CFAP206: variants seen among roughly 807,000 people sequenced by gnomAD.
CFAP206 encodes cilia and flagella associated protein 206, also known as cilia- and flagella-associated protein 206.
A neutral mutation model predicts 65.4 loss-of-function variants in CFAP206; 53 were observed. The ratio of observed to expected loss-of-function variants is 0.81; its 90% CI spans 0.65 to 1.02. CFAP206 has a LOEUF of 1.02. Ranked by LOEUF, CFAP206 falls within the 50% of genes least tolerant of loss-of-function variation. CFAP206 has a pLI of 0.00. For missense variants in CFAP206, 663 were observed against 753.2 expected (o/e 0.88, Z 1.40); for synonymous variants, 250 against 254.4 (o/e 0.98, Z 0.17).
At chr6:87,410,099 A>G (rs1767706892) in intron 2 of CFAP206, 152 bp downstream of exon 2, 1 of 605,112 alleles carries the variant, frequency 1.7e-6, no homozygotes, top group Non-Finnish European at 2.8e-6. Context: ...AAACATTTTT[A>G]AAAAGTTTAT....
intron 3 of CFAP206, among the ~76,000 whole-genome samples, chr6:87,412,612 GA>G (rs1767754086): frequency 6.6e-6 from 1 of 152,156 alleles, no homozygotes; most frequent in Non-Finnish European, 1.5e-5. Flanking sequence ...TTTGTGAAGA[GA>G]GGGGGGTGGT....
rs1441430714 is a variant in CFAP206 at position 87,426,561 on chromosome 6, G to A, written c.876G>A (p.Met292Ile). Residue 292 changes from methionine to isoleucine, a missense_variant, in exon 8 of 13, where the codon ATG (methionine) becomes ATA (isoleucine). Transcript: ENST00000369562. ...TTACTGGTGCTCAAGAAGTGGAAAT[G>A]ATGACAAAACAGTTAGGAGCCCATC... is the stretch of plus-strand genomic sequence containing the variant. ...DIITGAQEVE[M>I]MTKQLGAHLE... is the part of the protein sequence containing the mutation. The A allele has an allele frequency of 5.0e-6, 8 of 1,597,736 alleles. No individual in the cohort carries two copies. Among genetic ancestry groups the A allele is most frequent in the Non-Finnish European group, 6.8e-6 (8 of 1,171,744 alleles).
At chr6:87,421,444 C>T (rs1055007580) in intron 7 of CFAP206, among the ~76,000 whole-genome samples, 1 of 152,086 alleles carries the variant, frequency 6.6e-6, no homozygotes, top group Non-Finnish European at 1.5e-5. Context: ...TGAGATCGTG[C>T]CACTGCATTC....
At chr6:87,432,530 C>T (rs1768177501) in intron 10 of CFAP206, among the ~76,000 whole-genome samples, 1 of 145,028 alleles carries the variant, frequency 6.9e-6, no homozygotes, top group Non-Finnish European at 1.5e-5. Flanking sequence ...AGGAGAAACA[C>T]GGATGTGGGG....
At chr6:87,440,092 T>C (rs1007450333) in intron 11 of CFAP206, among the ~76,000 whole-genome samples, 6 of 152,180 alleles carry the variant, frequency 3.9e-5, no homozygotes, top group Non-Finnish European at 7.4e-5. Flanking sequence ...ATGAGAAGAA[T>C]AGACATTTTT....
rs746709842 is a variant in CFAP206, at chr6:87,461,137, G to C, written c.1610G>C (p.Trp537Ser). Reference sequence around the variant, plus strand: ...GTGAGATCATATGAGTGGAATGAATGGGAATTAAGAAGAAAAGCTATAAAA... The same window carrying C: ...GTGAGATCATATGAGTGGAATGAATCGGAATTAAGAAGAAAAGCTATAAAA... The part of the protein sequence containing the change: ...TIVRSYEWNE[W>S]ELRRKAIKLA... Residue 537 changes from tryptophan (W) to serine (S), a missense_variant, in exon 12 of 13, where the codon TGG becomes TCG. Transcript: ENST00000369562. The C allele has an allele frequency of 4.5e-6, 7 of 1,568,564 alleles. No homozygotes were observed. The Admixed American group carries it at 1.2e-4, about 27-fold the overall frequency.
chr6:87,416,940 A>G lies in CFAP206; in HGVS notation c.631+113A>G, dbSNP rs1212120432. On this transcript the variant is annotated intron_variant, in intron 6 of 12. Coordinates refer to ENST00000369562, the MANE Select transcript of CFAP206 (RefSeq NM_001031743.3). ...TGGCATTCTTAAATTTAAGATTTGC[A>G]TTTTTTACTGTTTCCTTAAGAATAA... is the stretch of plus-strand genomic sequence containing the variant. The G allele has an allele frequency of 6.4e-6, 6 of 930,872 alleles. No individual in the cohort carries two copies. The African/African-American group carries it at 6.7e-5, about 10-fold the overall frequency. The allele number at this position is 930,872 out of a possible 1,614,324, so 57.7% of individuals were successfully genotyped here.
Position 87,409,887 on chromosome 6 carries a change from A to G in CFAP206, c.48A>G (p.Glu16=), listed in dbSNP as rs552877271. The G allele has an allele frequency of 3.7e-6, 6 of 1,613,494 alleles. No individual in the cohort carries two copies. In the African/African-American group the frequency reaches 8.0e-5, roughly 22 times the overall value. Residue 16 remains glutamate, a synonymous_variant, in exon 2 of 13, where the codon GAA becomes GAG. Transcript: ENST00000369562. ...GTGTTATAAGGAGTATTATACGAGAAATAGGACAAGAATGTGCAGCCCATG... is the reference window on the plus strand; with the variant it reads ...GTGTTATAAGGAGTATTATACGAGAGATAGGACAAGAATGTGCAGCCCATG... ...AESVIRSIIR[E]IGQECAAHGE... is the part of the protein sequence containing the mutation.
chr6:87,452,885 T>C (rs1406151828), intron 11 of CFAP206, among the ~76,000 whole-genome samples: 1 of 151,866 alleles, frequency 6.6e-6, no homozygotes, highest in Non-Finnish European at 1.5e-5. Context: ...CTTGAGAAGG[T>C]AGAGAAGAGA....
chr6:87,450,475 ATGTGTGTGTGTGTGTG>A (rs55870560), intron 11 of CFAP206, among the ~76,000 whole-genome samples: 28 of 130,402 alleles, frequency 2.1e-4, no homozygotes, highest in South Asian at 2.7e-4. Flanking sequence ...ATAAATGAAA[ATGTGTGTGTGTGTGTG>A]TGTGTGTGTG....
At chr6:87,431,537 G>A (rs1269202530) in intron 10 of CFAP206, among the ~76,000 whole-genome samples, 4 of 152,144 alleles carry the variant, frequency 2.6e-5, no homozygotes, top group East Asian at 1.9e-4. Context: ...AGGTCAGGGC[G>A]GGTGGATCAC....
In CFAP206 at chr6:87,408,551, G is replaced by A. The variant is rs1466337413; in HGVS notation, c.-6+462G>A. ...CGGAGCGCGCACACAGATCCGGAGC[G>A]CGCACACAGATCCGGAGCGCGCACA... On this transcript the variant is annotated intron_variant, in intron 1 of 12. Coordinates refer to ENST00000369562, the MANE Select transcript of CFAP206 (RefSeq NM_001031743.3). The A allele has an allele frequency of 3.6e-4, 26 of 72,098 alleles. 5 individuals are homozygous for A. In the East Asian group the frequency reaches 6.5e-3, roughly 18 times the overall value. The allele number at this position is 72,098 out of a possible 1,614,324, so 4.5% of individuals were successfully genotyped here. A position where few individuals can be genotyped will look rare whatever the true frequency, so the allele number is the denominator to read the frequency against.
chr6:87,426,717 C>A, intron 8 of CFAP206, 72 bp downstream of exon 8: 1 of 1,110,318 alleles, frequency 9.0e-7, no homozygotes, highest in Non-Finnish European at 1.2e-6. Flanking sequence ...GATCGCAAGT[C>A]ATTATAATTA....
At chr6:87,415,461 T>A (rs1389790583) in intron 4 of CFAP206, 1 of 559,028 alleles carries the variant, frequency 1.8e-6, no homozygotes. Context: ...TCTTAGGTGT[T>A]TTGACAAAGT....
At chr6:87,419,735 C>T (rs1032169925) in intron 7 of CFAP206, among the ~76,000 whole-genome samples, 1 of 152,118 alleles carries the variant, frequency 6.6e-6, no homozygotes, top group African/African-American at 2.4e-5. Flanking sequence ...TTGGTCTGTC[C>T]TCTCTCCTTA....
chr6:87,417,374 A>G (rs1349001993), intron 6 of CFAP206, among the ~76,000 whole-genome samples: 1 of 152,148 alleles, frequency 6.6e-6, no homozygotes, highest in Non-Finnish European at 1.5e-5. Context: ...GTACTCCTGT[A>G]GGCCCACTGA....
At chr6:87,458,678 G>A (rs1452574533) in intron 11 of CFAP206, among the ~76,000 whole-genome samples, 1 of 152,028 alleles carries the variant, frequency 6.6e-6, no homozygotes, top group Non-Finnish European at 1.5e-5. Context: ...GTTGTGGGGA[G>A]TGAGAAATGG....
intron 11 of CFAP206, among the ~76,000 whole-genome samples, chr6:87,460,804 CT>C (rs1768732629): frequency 6.6e-6 from 1 of 152,034 alleles, no homozygotes; most frequent in African/African-American, 2.4e-5. Flanking sequence ...AAAACACCCC[CT>C]ACATTAACAA....
At chr6:87,414,600 C>T (rs976220570) in intron 4 of CFAP206, among the ~76,000 whole-genome samples, 1 of 152,076 alleles carries the variant, frequency 6.6e-6, no homozygotes, top group Non-Finnish European at 1.5e-5. Context: ...ATGCCTGGCT[C>T]ATTATGTAAA....
Sources: gnomAD v4.1 joint callset for allele counts (sites outside exome capture counted in the v4.1 genomes callset) on GRCh38, gnomAD v4.1.1 for gene constraint, MANE v1.5 for transcripts, NCBI Gene and HGNC (gene_info 2026-07-23, HGNC 2026-07-21) for gene names.